PAPSS2: variants seen among roughly 807,000 people sequenced by gnomAD.
The protein encoded by PAPSS2 is bifunctional 3'-phosphoadenosine 5'-phosphosulfate synthase 2.
PAPSS2 carries 61 observed loss-of-function variants against 66.5 expected under a neutral mutation model. That is an observed-to-expected ratio of 0.92 (90% CI 0.75 to 1.14). The LOEUF is 1.14. Ranked by LOEUF, PAPSS2 falls within the 50% of genes most tolerant of loss-of-function variation. The pLI, the probability that PAPSS2 is intolerant of heterozygous loss-of-function variation, is 0.00. For missense variants in PAPSS2, 708 were observed against 789.6 expected (o/e 0.90, Z 1.24); for synonymous variants, 289 against 287.5 (o/e 1.01, Z -0.05).
chr10:87,676,359 A>G (rs1852947107), intron 1 of PAPSS2, among the ~76,000 whole-genome samples: 1 of 152,158 alleles, frequency 6.6e-6, no homozygotes, highest in South Asian at 2.1e-4. Context: ...TCCTTGTCAC[A>G]TTTGATAGAC....
chr10:87,665,336 C>T (rs541331204), intron 1 of PAPSS2, among the ~76,000 whole-genome samples: 9 of 152,204 alleles, frequency 5.9e-5, no homozygotes, highest in East Asian at 5.8e-4. Flanking sequence ...CTCAGCCTCC[C>T]GAGTAGCTGG....
At chr10:87,739,966 G>C (rs1201766913) in intron 9 of PAPSS2, among the ~76,000 whole-genome samples, 1 of 152,112 alleles carries the variant, frequency 6.6e-6, no homozygotes, top group Non-Finnish European at 1.5e-5. Context: ...AATGTACAAT[G>C]GTTGTCTTAA....
intron 1 of PAPSS2, among the ~76,000 whole-genome samples, chr10:87,692,564 G>T (rs750816676): frequency 1.4e-4 from 21 of 152,166 alleles, no homozygotes; most frequent in Non-Finnish European, 8.8e-5. Flanking sequence ...AAAAAGAGTG[G>T]TCAATGGGAA....
chr10:87,744,951 C>A, intron 11 of PAPSS2, 51 bp from the exon 12 acceptor site: 1 of 1,500,184 alleles, frequency 6.7e-7, no homozygotes, highest in South Asian at 1.1e-5. Context: ...AAACCATGAC[C>A]TACAGATTTG....
At chr10:87,687,368 A>G (rs987029820) in intron 1 of PAPSS2, among the ~76,000 whole-genome samples, 2 of 152,244 alleles carry the variant, frequency 1.3e-5, no homozygotes, top group African/African-American at 2.4e-5. Flanking sequence ...GGCTAATACT[A>G]TCTTATTTTG....
chr10:87,732,127 C>T (rs1853737417), intron 9 of PAPSS2, among the ~76,000 whole-genome samples: 1 of 152,168 alleles, frequency 6.6e-6, no homozygotes, highest in Non-Finnish European at 1.5e-5. Context: ...ACTTTAGCAA[C>T]CATCACCCTG....
In PAPSS2 at chr10:87,743,423, C is replaced by G; in HGVS notation, c.1273C>G (p.Leu425Val). The G allele has an allele frequency of 6.2e-7, 1 of 1,614,138 alleles. No homozygotes were observed. Among genetic ancestry groups the G allele is most frequent in the Non-Finnish European group, 8.5e-7 (1 of 1,180,014 alleles). The stretch of plus-strand genomic sequence containing the variant: ...CAATCCTGTCCACAATGGCCATGCC[C>G]TGTTGATGCAGGACACTCGCCGCAG... ...LRNPVHNGHALLMQDTRRRLL... is the reference protein window; with the variant it reads ...LRNPVHNGHAVLMQDTRRRLL... The change falls in exon 11 of 13, where the codon CTG becomes GTG. Residue 425 changes from leucine to valine, a missense_variant. Transcript: ENST00000456849.
At chr10:87,742,280 CAAAAT>C (rs1316196600) in intron 10 of PAPSS2, among the ~76,000 whole-genome samples, 1 of 152,076 alleles carries the variant, frequency 6.6e-6, no homozygotes, top group Non-Finnish European at 1.5e-5. Context: ...TTCTGGAAAA[CAAAAT>C]AAAATATCAT....
chr10:87,688,899 C>T (rs1165261814), intron 1 of PAPSS2, among the ~76,000 whole-genome samples: 2 of 151,996 alleles, frequency 1.3e-5, no homozygotes, highest in Non-Finnish European at 2.9e-5. Flanking sequence ...TGTCTCTAAG[C>T]AGTGGTATAA....
At chr10:87,673,064 T>C (rs926020687) in intron 1 of PAPSS2, among the ~76,000 whole-genome samples, 4 of 152,192 alleles carry the variant, frequency 2.6e-5, no homozygotes, top group Non-Finnish European at 5.9e-5. Context: ...CCTCCTGTTA[T>C]ATATAGTGGG....
At chr10:87,730,336 G>A (rs1853713584) in intron 9 of PAPSS2, among the ~76,000 whole-genome samples, 1 of 152,196 alleles carries the variant, frequency 6.6e-6, no homozygotes, top group African/African-American at 2.4e-5. Flanking sequence ...AGGCTCAGAG[G>A]ATGGCCAAAA....
At chr10:87,719,543 G>A (rs1853570676) in intron 7 of PAPSS2, among the ~76,000 whole-genome samples, 1 of 152,142 alleles carries the variant, frequency 6.6e-6, no homozygotes, top group Non-Finnish European at 1.5e-5. Context: ...GATCACTTGA[G>A]CCCAGGAGCT....
intron 9 of PAPSS2, among the ~76,000 whole-genome samples, chr10:87,737,864 A>T (rs1297680601): frequency 6.6e-6 from 1 of 152,044 alleles, no homozygotes; most frequent in Non-Finnish European, 1.5e-5. Flanking sequence ...CCTGGTAACT[A>T]CCATCCTTCC....
chr10:87,688,959 A>T (rs1853127137), intron 1 of PAPSS2, among the ~76,000 whole-genome samples: 1 of 138,276 alleles, frequency 7.2e-6, no homozygotes, highest in South Asian at 2.3e-4. Context: ...AAATTTAACT[A>T]CCTTAAAAAA....
rs1853436822 is a variant in PAPSS2 at position 87,709,316 on chromosome 10, A to G, written c.145+3A>G. On this transcript the variant is annotated splice_donor_region_variant and intron_variant, in intron 2 of 12. Coordinates refer to ENST00000456849, the MANE Select transcript of PAPSS2 (RefSeq NM_001015880.2). The stretch of plus-strand genomic sequence containing the variant: ...AGGATGTACCGTGTGGCTAACAGGT[A>G]TGTCATGTTCATATATATATATATA... The G allele has an allele frequency of 6.6e-7, 1 of 1,509,294 alleles. No homozygotes were observed. The highest frequency in any genetic ancestry group is 1.6e-5 in the African/African-American group (1 of 64,054). 93.5% of individuals were successfully genotyped at this position (1,509,294 alleles called of 1,614,324 possible).
intron 11 of PAPSS2, 96 bp downstream of exon 11, chr10:87,743,737 C>T (rs1373802804): frequency 1.5e-6 from 2 of 1,365,772 alleles, no homozygotes; most frequent in Non-Finnish European, 2.1e-6. Flanking sequence ...TTTCTGTTTC[C>T]TCATGAGCAG....
rs1228166211 is a variant in PAPSS2, at chr10:87,747,628, G to A, written c.*1658G>A. 1 of 152,382 alleles carries A rather than the reference G, an allele frequency of 6.6e-6. No homozygotes were observed. Among genetic ancestry groups the A allele is most frequent in the Non-Finnish European group, 1.5e-5 (1 of 67,998 alleles). The allele number at this position is 152,382 out of a possible 1,614,324, so 9.4% of individuals were successfully genotyped here. A position where few individuals can be genotyped will look rare whatever the true frequency, so the allele number is the denominator to read the frequency against. On this transcript the variant is annotated 3_prime_UTR_variant, in exon 13 of 13. Coordinates refer to ENST00000456849, the MANE Select transcript of PAPSS2 (RefSeq NM_001015880.2). ...CATTTAAAACTGCTCTTCTGCTCTA[G>A]TACCATGCTTAGTGCAAATGATTAT...
intron 9 of PAPSS2, among the ~76,000 whole-genome samples, chr10:87,733,705 C>T (rs1231508703): frequency 1.3e-5 from 2 of 152,140 alleles, no homozygotes; most frequent in Non-Finnish European, 2.9e-5. Context: ...GTAGTTAAAG[C>T]TCCCCGTGAT....
rs190024082 is a variant in PAPSS2 at position 87,700,617 on chromosome 10, C to T, written c.28-8579C>T. On this transcript the variant is annotated intron_variant, in intron 1 of 12. Coordinates refer to ENST00000456849, the MANE Select transcript of PAPSS2 (RefSeq NM_001015880.2). ...AGGCGGCAGTGAGCCAGGATCACAC[C>T]ACTGCACTGCAGCCTGGGTGACAGA... Among the ~76,000 whole-genome samples the T allele has an allele frequency of 4.6e-3, 690 of 149,190 alleles. 6 individuals are homozygous for T. The highest frequency in any genetic ancestry group is 0.016 in the African/African-American group (654 of 40,268).
Sources: allele counts gnomAD v4.1 joint callset (sites outside exome capture counted in the v4.1 genomes callset), GRCh38; gene constraint gnomAD v4.1.1; transcripts MANE v1.5; gene names NCBI Gene and HGNC (gene_info 2026-07-23, HGNC 2026-07-21).